The following TTC27 variants were observed in gnomAD, a reference collection of about 807,000 sequenced individuals.
TTC27 encodes the protein tetratricopeptide repeat protein 27.
TTC27 carries 79 observed loss-of-function variants against 115.9 expected under a neutral mutation model. The observed-to-expected ratio is 0.68, with a 90% CI of 0.57 to 0.82. TTC27 has a LOEUF of 0.82. TTC27 is among the 40% of genes least tolerant of loss of function. The probability of loss-of-function intolerance (pLI) is 0.00; values close to 1 mark genes in which losing one functional copy is unlikely to be tolerated. For synonymous variants in TTC27, 401 were observed against 356.0 expected (o/e 1.13, Z -1.42); for missense variants, 1,054 against 993.1 (o/e 1.06, Z -0.82).
chr2:32,636,568 G>A (rs183351506), intron 3 of TTC27, among the ~76,000 whole-genome samples: 160 of 152,278 alleles, frequency 1.1e-3, no homozygotes, highest in Non-Finnish European at 1.6e-3. Context: ...TAATCTATAG[G>A]TGAAAAGACT....
chr2:32,735,856 G>C (rs1421964188), intron 11 of TTC27, among the ~76,000 whole-genome samples: 1 of 151,908 alleles, frequency 6.6e-6, no homozygotes, highest in African/African-American at 2.4e-5. Flanking sequence ...TGATGTATTG[G>C]ATCATTCTCA....
At chr2:32,680,058 G>A (rs911031896) in intron 9 of TTC27, among the ~76,000 whole-genome samples, 31 of 152,058 alleles carry the variant, frequency 2.0e-4, no homozygotes, top group African/African-American at 6.3e-4. Flanking sequence ...AATTTTTCAC[G>A]TTACTATTTC....
rs146027534 is a variant in TTC27, at chr2:32,663,845, C to T, written c.641-458C>T. 1.6e-4 allele frequency among the ~76,000 whole-genome samples: 25 copies of T among 152,150 alleles called. No individual in the cohort carries two copies. The East Asian group carries it at 3.5e-3, about 21-fold the overall frequency. The stretch of plus-strand genomic sequence containing the variant: ...GACTACAGGCGCATGCCACTATGCC[C>T]GGCTAATTTTTGTATCTTTAGTAGA... On this transcript the variant is annotated intron_variant, in intron 5 of 19. Transcript: ENST00000317907.
chr2:32,628,424 TG>T (rs1458063046), intron 1 of TTC27, 44 bp downstream of exon 1: 1 of 1,492,236 alleles, frequency 6.7e-7, no homozygotes, highest in East Asian at 2.4e-5. Flanking sequence ...GTGGGAACTG[TG>T]AGGAAAAGGG....
chr2:32,706,234 C>T (rs1349504173), intron 10 of TTC27, among the ~76,000 whole-genome samples: 1 of 151,568 alleles, frequency 6.6e-6, no homozygotes, highest in Non-Finnish European at 1.5e-5. Flanking sequence ...AGGCATGTGC[C>T]ACCATGCCTT....
intron 5 of TTC27, among the ~76,000 whole-genome samples, chr2:32,660,134 A>C (rs1435696394): frequency 6.6e-6 from 1 of 152,130 alleles, no homozygotes; most frequent in African/African-American, 2.4e-5. Context: ...TCCCACCGAC[A>C]GAGTAAAAGT....
intron 13 of TTC27, among the ~76,000 whole-genome samples, chr2:32,762,754 G>A (rs569086083): frequency 6.6e-6 from 1 of 152,080 alleles, no homozygotes; most frequent in Non-Finnish European, 1.5e-5. Context: ...CGATTCTCCT[G>A]CCTCAGCCTT....
intron 19 of TTC27, among the ~76,000 whole-genome samples, chr2:32,818,920 C>G (rs551513012): frequency 3.3e-5 from 5 of 152,198 alleles, no homozygotes; most frequent in African/African-American, 1.2e-4. Flanking sequence ...ATCTGCATGA[C>G]CCAGGAGAAC....
chr2:32,688,546 G>C (rs529478060), intron 9 of TTC27, among the ~76,000 whole-genome samples: 1 of 152,042 alleles, frequency 6.6e-6, no homozygotes, highest in Non-Finnish European at 1.5e-5. Context: ...CTTTTACTTA[G>C]CATAAAGACC....
chr2:32,657,840 T>C (rs137885566), intron 5 of TTC27, among the ~76,000 whole-genome samples: 234 of 152,306 alleles, frequency 1.5e-3, no homozygotes, highest in African/African-American at 5.2e-3. Flanking sequence ...AAAAAATTTT[T>C]TTTTGAGATG....
At chr2:32,737,650 G>A (rs946060270) in intron 12 of TTC27, among the ~76,000 whole-genome samples, 15 of 152,126 alleles carry the variant, frequency 9.9e-5, no homozygotes, top group Admixed American at 6.5e-4. Context: ...TAATGGCAGT[G>A]AAGGTCTTTG....
chr2:32,787,284 C>G (rs1670381256), intron 16 of TTC27, 135 bp downstream of exon 16: 2 of 939,932 alleles, frequency 2.1e-6, no homozygotes, highest in South Asian at 4.1e-5. Flanking sequence ...GTATTTTTTT[C>G]TAGTCAAATA....
At chr2:32,659,977 T>C (rs1301289792) in intron 5 of TTC27, among the ~76,000 whole-genome samples, 1 of 152,200 alleles carries the variant, frequency 6.6e-6, no homozygotes, top group Admixed American at 6.5e-5. Context: ...AGTAAACATA[T>C]GTGTGCATGT....
rs116150420 is a variant in TTC27 at position 32,695,867 on chromosome 2, G to A, written c.1120-6940G>A. On this transcript the variant is annotated intron_variant, in intron 9 of 19. Transcript: ENST00000317907. ...TGCAGTGAACCGAGATGGCGCCGTC[G>A]CACTCTAGCCTGGGCAACAAGAGTA... 8.8e-3 allele frequency among the ~76,000 whole-genome samples: 1,327 copies of A among 151,166 alleles called. 13 individuals are homozygous for A. Among genetic ancestry groups the A allele is most frequent in the African/African-American group, 0.031 (1,261 of 41,164 alleles).
chr2:32,755,071 G>A (rs900400227), intron 12 of TTC27, among the ~76,000 whole-genome samples: 5 of 152,008 alleles, frequency 3.3e-5, no homozygotes, highest in African/African-American at 7.3e-5. Flanking sequence ...CGGGGCGGCC[G>A]GGCAGAGACG....
chr2:32,714,733 C>A (rs1423995279), intron 10 of TTC27, among the ~76,000 whole-genome samples: 2 of 152,084 alleles, frequency 1.3e-5, no homozygotes, highest in Non-Finnish European at 2.9e-5. Context: ...TCCCTTTTTT[C>A]CACAACCTCT....
At chr2:32,819,045 G>T (rs879795887) in intron 19 of TTC27, among the ~76,000 whole-genome samples, 7 of 152,152 alleles carry the variant, frequency 4.6e-5, no homozygotes, top group Non-Finnish European at 1.0e-4. Flanking sequence ...CCTTCCCAAA[G>T]TGGGAGCTTT....
chr2:32,725,433 T>A (rs1208895384), intron 10 of TTC27, among the ~76,000 whole-genome samples: 2 of 152,000 alleles, frequency 1.3e-5, no homozygotes, highest in Non-Finnish European at 1.5e-5. Context: ...AAAGAGGCTA[T>A]GGGCCCCATG....
chr2:32,761,204 C>T (rs886573478), intron 13 of TTC27, among the ~76,000 whole-genome samples: 3 of 152,138 alleles, frequency 2.0e-5, no homozygotes, highest in African/African-American at 7.2e-5. Flanking sequence ...CAACCCCATC[C>T]AACCTTGGAG....
Sources: allele counts gnomAD v4.1 joint callset (sites outside exome capture counted in the v4.1 genomes callset), GRCh38; gene constraint gnomAD v4.1.1; transcripts MANE v1.5; gene names NCBI Gene and HGNC (gene_info 2026-07-23, HGNC 2026-07-21).